Variants in RPTOR observed in about 807,000 individuals in gnomAD.
The protein encoded by RPTOR is regulatory associated protein of MTOR complex 1, also known as regulatory-associated protein of mTOR.
In RPTOR, 21 loss-of-function variants were observed where a neutral mutation model predicts 169.9. The ratio of observed to expected loss-of-function variants is 0.12; its 90% confidence interval spans 0.09 to 0.18. RPTOR has a LOEUF of 0.18. RPTOR is among the 10% of genes least tolerant of loss of function. RPTOR has a pLI of 1.00. For synonymous variants in RPTOR, 732 were observed against 753.2 expected (o/e 0.97, Z 0.46); for missense variants, 1,133 against 1,855.9 (o/e 0.61, Z 7.16).
chr17:80,882,975 G>A (rs2068202378), intron 14 of RPTOR, among the ~76,000 whole-genome samples: 1 of 152,226 alleles, frequency 6.6e-6, no homozygotes, highest in African/African-American at 2.4e-5. Context: ...ATGAAAATGA[G>A]TCACAGTAGA....
chr17:80,663,964 A>G (rs1348835664), intron 3 of RPTOR, among the ~76,000 whole-genome samples: 1 of 152,132 alleles, frequency 6.6e-6, no homozygotes, highest in Non-Finnish European at 1.5e-5. Context: ...ACTGCTCTGC[A>G]TCTTCCCCGT....
chr17:80,566,676 T>C (rs576580727), intron 1 of RPTOR, among the ~76,000 whole-genome samples: 2 of 151,458 alleles, frequency 1.3e-5, no homozygotes, highest in East Asian at 3.9e-4. Context: ...AAAAAAAAAT[T>C]AGCCCAGTGA....
At chr17:80,838,827 C>T (rs2067595481) in intron 10 of RPTOR, among the ~76,000 whole-genome samples, 1 of 152,164 alleles carries the variant, frequency 6.6e-6, no homozygotes, top group Non-Finnish European at 1.5e-5. Context: ...CCACCGAGGG[C>T]AAGTTTGGTC....
rs572468507 is a variant in RPTOR at position 80,634,256 on chromosome 17, G to A, written c.265+8463G>A. ...CTGTGTGTGCGTGCATACTGTATGCGTGCATACCGTGTGTGTGCGTACTGT... is the reference window on the plus strand; with the variant it reads ...CTGTGTGTGCGTGCATACTGTATGCATGCATACCGTGTGTGTGCGTACTGT... On this transcript the variant is annotated intron_variant, in intron 2 of 33. Coordinates refer to ENST00000306801, the MANE Select transcript of RPTOR (RefSeq NM_020761.3). 7.3e-3 allele frequency among the ~76,000 whole-genome samples: 910 copies of A among 125,124 alleles called. 49 individuals carry two copies. Among genetic ancestry groups the A allele is most frequent in the African/African-American group, 0.037 (834 of 22,428 alleles). The allele number at this position is 125,124 out of a possible 152,430, so 82.1% of individuals were successfully genotyped here.
chr17:80,686,231 T>G (rs376743260), intron 3 of RPTOR, among the ~76,000 whole-genome samples: 4 of 150,484 alleles, frequency 2.7e-5, no homozygotes, highest in Admixed American at 2.0e-4. Flanking sequence ...CTGTCGCCCA[T>G]GCTGGAGTGC....
At chr17:80,590,567 G>A (rs570778716) in intron 1 of RPTOR, among the ~76,000 whole-genome samples, 16 of 141,124 alleles carry the variant, frequency 1.1e-4, no homozygotes, top group South Asian at 4.6e-4. Flanking sequence ...GCGCACATGC[G>A]TGCACACAGT....
chr17:80,589,396 C>T (rs1194436730), intron 1 of RPTOR, among the ~76,000 whole-genome samples: 1 of 152,100 alleles, frequency 6.6e-6, no homozygotes, highest in Non-Finnish European at 1.5e-5. Flanking sequence ...GCACATCTCC[C>T]CATTTGGATC....
At chr17:80,882,494 A>C (rs771155612) in intron 14 of RPTOR, among the ~76,000 whole-genome samples, 3 of 152,238 alleles carry the variant, frequency 2.0e-5, no homozygotes, top group Admixed American at 1.3e-4. Flanking sequence ...GGCCGGGGAC[A>C]GGGGAGCCCT....
chr17:80,941,841 G>A (rs1267669587), intron 25 of RPTOR: 1 of 152,282 alleles, frequency 6.6e-6, no homozygotes, highest in Non-Finnish European at 1.5e-5. Context: ...TCACACCTCT[G>A]CTCTGCTGAT....
chr17:80,736,161 A>C (rs2066431605), intron 5 of RPTOR, among the ~76,000 whole-genome samples: 1 of 149,950 alleles, frequency 6.7e-6, no homozygotes. Flanking sequence ...ATAGAGTGAG[A>C]CCCCATCTCT....
chr17:80,896,236 C>T (rs2068396811), intron 20 of RPTOR, among the ~76,000 whole-genome samples: 1 of 152,076 alleles, frequency 6.6e-6, no homozygotes. Context: ...GACCCTTCAT[C>T]AGACAGCCCG....
intron 5 of RPTOR, chr17:80,743,218 T>A: frequency 4.1e-6 from 4 of 985,072 alleles, no homozygotes; most frequent in Non-Finnish European, 4.8e-6. Flanking sequence ...GCTCTCTCTC[T>A]TATGACTCAG....
intron 2 of RPTOR, among the ~76,000 whole-genome samples, chr17:80,643,064 T>G (rs1002885996): frequency 1.3e-5 from 2 of 152,240 alleles, no homozygotes; most frequent in African/African-American, 4.8e-5. Context: ...TAGCTGAATT[T>G]CACATAGAGT....
chr17:80,874,621 CTGCTGAAGTCG>C (rs1359325903), intron 13 of RPTOR, among the ~76,000 whole-genome samples: 2 of 152,152 alleles, frequency 1.3e-5, no homozygotes, highest in Non-Finnish European at 2.9e-5. Context: ...GGTGGATGTT[CTGCTGAAGTCG>C]TGAAGAGCAG....
At chr17:80,598,397 A>C (rs1307397244) in intron 1 of RPTOR, among the ~76,000 whole-genome samples, 1 of 152,208 alleles carries the variant, frequency 6.6e-6, no homozygotes, top group African/African-American at 2.4e-5. Flanking sequence ...TTTTCAGGGC[A>C]ATTCATGGAT....
intron 25 of RPTOR, among the ~76,000 whole-genome samples, chr17:80,945,130 C>CA (rs1193177984): frequency 2.0e-5 from 3 of 150,828 alleles, no homozygotes; most frequent in East Asian, 3.9e-4. Flanking sequence ...CCTGTCTCAA[C>CA]AAAAAACAAA....
At chr17:80,888,199 C>T (rs1457582523) in intron 17 of RPTOR, among the ~76,000 whole-genome samples, 1 of 152,254 alleles carries the variant, frequency 6.6e-6, no homozygotes, top group African/African-American at 2.4e-5. Flanking sequence ...ACTGCAACCT[C>T]TGCCTCCCGG....
chr17:80,893,332 GGTGTGTGTGCGCCAGGGT>G lies in RPTOR; in HGVS notation c.2243-364_2243-347del, dbSNP rs1480756976. Among the ~76,000 whole-genome samples the G allele has an allele frequency of 3.4e-4, 49 of 143,098 alleles. 1 individual carries two copies. The East Asian group carries it at 8.6e-3, about 25-fold the overall frequency. The allele number at this position is 143,098 out of a possible 152,430, so 93.9% of individuals were successfully genotyped here. On this transcript the variant is annotated intron_variant, in intron 19 of 33. Coordinates refer to ENST00000306801, the MANE Select transcript of RPTOR (RefSeq NM_020761.3). ...GTGCGCCAGGTGTGTGCGCGCGCCA[GGTGTGTGTGCGCCAGGGT>G]GTGTGTGTGCTGGGTGTGTGTGCAC...
At chr17:80,958,578 T>C (rs528897354) in intron 29 of RPTOR, among the ~76,000 whole-genome samples, 1 of 148,740 alleles carries the variant, frequency 6.7e-6, no homozygotes, top group Non-Finnish European at 1.5e-5. Flanking sequence ...GCCCAGCTAA[T>C]TTTTTTTTTG....
Sources: allele counts gnomAD v4.1 joint callset (sites outside exome capture counted in the v4.1 genomes callset), GRCh38; gene constraint gnomAD v4.1.1; transcripts MANE v1.5; gene names NCBI Gene and HGNC (gene_info 2026-07-23, HGNC 2026-07-21).